OPCML: variants seen among roughly 807,000 people sequenced by gnomAD.
The protein encoded by OPCML is opioid binding protein/cell adhesion molecule like, also known as opioid-binding protein/cell adhesion molecule.
OPCML carries 13 observed loss-of-function variants against 37.8 expected under a neutral mutation model. The ratio of observed to expected loss-of-function variants is 0.34; its 90% CI spans 0.22 to 0.55. The LOEUF (loss-of-function observed/expected upper bound fraction) is 0.55. Among genes scored for constraint, OPCML ranks in the 20% least tolerant of loss-of-function variants. OPCML has a pLI of 0.91. For synonymous variants in OPCML, 176 were observed against 168.8 expected (o/e 1.04, Z -0.33); for missense variants, 341 against 435.6 (o/e 0.78, Z 1.93).
At chr11:133,280,200 T>C (rs1942106413) in intron 1 of OPCML, among the ~76,000 whole-genome samples, 1 of 152,266 alleles carries the variant, frequency 6.6e-6, no homozygotes, top group Non-Finnish European at 1.5e-5. Flanking sequence ...TCTTTCCATT[T>C]ACTTAAGCCT....
intron 1 of OPCML, among the ~76,000 whole-genome samples, chr11:133,001,031 T>A (rs1370039717): frequency 6.6e-6 from 1 of 152,196 alleles, no homozygotes; most frequent in African/African-American, 2.4e-5. Flanking sequence ...CCCTGAGGCC[T>A]CACTAGAAGA....
intron 1 of OPCML, among the ~76,000 whole-genome samples, chr11:133,452,304 CACAA>C (rs10536359): frequency 0.27 from 40,038 of 151,068 alleles, 6,704 homozygotes; most frequent in African/African-American, 0.45. Context: ...TATTAAAATG[CACAA>C]ACAGTGGTAG....
intron 2 of OPCML, among the ~76,000 whole-genome samples, chr11:132,922,930 T>A (rs1367888508): frequency 6.6e-6 from 1 of 151,664 alleles, no homozygotes; most frequent in Non-Finnish European, 1.5e-5. Flanking sequence ...TGTTTTTTTT[T>A]AAATTAGCCA....
intron 2 of OPCML, among the ~76,000 whole-genome samples, chr11:132,782,024 G>T (rs1002266558): frequency 1.4e-5 from 2 of 147,916 alleles, no homozygotes; most frequent in Admixed American, 6.8e-5. Flanking sequence ...ATTTGATTCA[G>T]AGAGGGCTGC....
intron 2 of OPCML, among the ~76,000 whole-genome samples, chr11:132,815,349 C>T (rs1321140369): frequency 3.9e-5 from 6 of 152,192 alleles, no homozygotes; most frequent in Non-Finnish European, 4.4e-5. Context: ...TGGCAGGGAC[C>T]TCCTGTGAAG....
intron 2 of OPCML, among the ~76,000 whole-genome samples, chr11:132,793,019 G>A (rs954581743): frequency 6.6e-6 from 1 of 152,198 alleles, no homozygotes; most frequent in Non-Finnish European, 1.5e-5. Context: ...GGGCGATACG[G>A]GCAGCGGCGG....
At chr11:133,455,711 T>C (rs1946659991) in intron 1 of OPCML, among the ~76,000 whole-genome samples, 1 of 152,134 alleles carries the variant, frequency 6.6e-6, no homozygotes, top group Non-Finnish European at 1.5e-5. Flanking sequence ...GCTAGGAAGG[T>C]CTACACCCTT....
rs1425614604 is a variant in OPCML, at chr11:133,440,782, C to A, written c.61+91482G>T. Among the ~76,000 whole-genome samples, 1,093 of 128,536 alleles carry A rather than the reference C, an allele frequency of 8.5e-3. 11 individuals carry two copies. The highest frequency in any genetic ancestry group is 0.016 in the Middle Eastern group (4 of 244). 84.3% of individuals were successfully genotyped at this position (128,536 alleles called of 152,430 possible). On this transcript the variant is annotated intron_variant, in intron 1 of 7. Coordinates refer to ENST00000524381, the MANE Select transcript of OPCML (RefSeq NM_001012393.5). ...AGCAATTATATATATATATATATAT[C>A]TGTGTGTGTGTGTGTGTGTGAGTGT... is the stretch of plus-strand genomic sequence containing the variant.
rs190253240 is a variant in OPCML at position 133,286,178 on chromosome 11, C to T, written c.61+246086G>A. Among the ~76,000 whole-genome samples the T allele has an allele frequency of 1.5e-3, 226 of 152,140 alleles. 4 individuals are homozygous for T. The highest frequency in any genetic ancestry group is 0.01 in the Middle Eastern group (3 of 292). On this transcript the variant is annotated intron_variant, in intron 1 of 7. Transcript: ENST00000524381. ...GGAAAAGTATTCACCTTGCTGGGCGCGGTGGCTCACGCCTGCAATTCCAGC... is the reference window on the plus strand; with the variant it reads ...GGAAAAGTATTCACCTTGCTGGGCGTGGTGGCTCACGCCTGCAATTCCAGC...
chr11:132,940,715 A>G (rs1044020237), intron 2 of OPCML, among the ~76,000 whole-genome samples: 2 of 152,236 alleles, frequency 1.3e-5, no homozygotes, highest in African/African-American at 2.4e-5. Flanking sequence ...TTTGCAGAAG[A>G]TGTTTATTTT....
chr11:132,436,609 T>C (rs890967549), intron 6 of OPCML, 50 bp downstream of exon 6: 5 of 1,604,644 alleles, frequency 3.1e-6, no homozygotes, highest in Middle Eastern at 3.3e-4. Context: ...CATGTGGGGA[T>C]AGACCATCAG....
chr11:132,436,253 C>T lies in OPCML; in HGVS notation c.765-16G>A, dbSNP rs755193404. 2 of 1,614,148 alleles carry T rather than the reference C, an allele frequency of 1.2e-6. No individual in the cohort carries two copies. The highest frequency in any genetic ancestry group is 1.7e-6 in the Non-Finnish European group (2 of 1,180,026). ...AGTGGCTAACCTGCAAGAGGGAAGA[C>T]ATTGCTATCAATTCATTCTACAAAG... On this transcript the variant is annotated splice_polypyrimidine_tract_variant and intron_variant, in intron 6 of 7. Transcript: ENST00000524381.
intron 1 of OPCML, among the ~76,000 whole-genome samples, chr11:133,396,767 G>T (rs957923300): frequency 6.6e-6 from 1 of 152,070 alleles, no homozygotes; most frequent in African/African-American, 2.4e-5. Context: ...TCTCTTCTTT[G>T]TATCTTTGTG....
chr11:132,541,596 C>T (rs1274058090), intron 3 of OPCML, among the ~76,000 whole-genome samples: 1 of 151,582 alleles, frequency 6.6e-6, no homozygotes, highest in African/African-American at 2.4e-5. Context: ...AAGTTTGCCA[C>T]ACATCACTTA....
At chr11:133,236,872 T>C (rs1261482155) in intron 1 of OPCML, among the ~76,000 whole-genome samples, 2 of 144,962 alleles carry the variant, frequency 1.4e-5, no homozygotes, top group African/African-American at 4.9e-5. Flanking sequence ...TTCCAGCTAG[T>C]GGAAACCGGA....
intron 4 of OPCML, among the ~76,000 whole-genome samples, chr11:132,503,917 G>T (rs925751177): frequency 1.3e-4 from 20 of 152,154 alleles, no homozygotes; most frequent in Non-Finnish European, 2.6e-4. Context: ...TACAGATGTG[G>T]TAGCTATCTC....
intron 4 of OPCML, among the ~76,000 whole-genome samples, chr11:132,509,774 T>G (rs540250846): frequency 6.6e-6 from 1 of 152,292 alleles, no homozygotes; most frequent in African/African-American, 2.4e-5. Context: ...AGGCAAAAGT[T>G]TGCTGCAGGG....
intron 3 of OPCML, among the ~76,000 whole-genome samples, chr11:132,582,926 G>A (rs1283162186): frequency 6.9e-6 from 1 of 145,696 alleles, no homozygotes; most frequent in East Asian, 2.2e-4. Context: ...GCTCACTGCA[G>A]CCTCGAACTC....
intron 2 of OPCML, among the ~76,000 whole-genome samples, chr11:132,842,135 A>C (rs1208939454): frequency 6.6e-6 from 1 of 152,146 alleles, no homozygotes; most frequent in Non-Finnish European, 1.5e-5. Context: ...CCCTCAATCA[A>C]GGTCCTTCAG....
Sources: gnomAD v4.1 joint callset for allele counts (sites outside exome capture counted in the v4.1 genomes callset) on GRCh38, gnomAD v4.1.1 for gene constraint, MANE v1.5 for transcripts, NCBI Gene and HGNC (gene_info 2026-07-23, HGNC 2026-07-21) for gene names.